Variants in CFAP58 observed in about 807,000 individuals in gnomAD.
CFAP58 encodes the protein cilia and flagella associated protein 58.
CFAP58 carries 88 observed loss-of-function variants against 119.5 expected under a neutral mutation model. The ratio of observed to expected loss-of-function variants is 0.74; its 90% CI spans 0.62 to 0.88. The LOEUF (loss-of-function observed/expected upper bound fraction) is 0.88, where lower values mean the gene tolerates loss of function less well. Among genes scored for constraint, CFAP58 ranks in the 40% least tolerant of loss-of-function variants. The probability of loss-of-function intolerance (pLI) is 0.00; values close to 1 mark genes in which losing one functional copy is unlikely to be tolerated. For missense variants in CFAP58, 990 were observed against 1,021.2 expected (o/e 0.97, Z 0.42); for synonymous variants, 365 against 366.3 (o/e 1.00, Z 0.04).
intron 15 of CFAP58, among the ~76,000 whole-genome samples, chr10:104,431,168 G>A (rs1356148650): frequency 6.6e-6 from 1 of 152,122 alleles, no homozygotes; most frequent in Non-Finnish European, 1.5e-5. Context: ...TCATTCATTC[G>A]TTCTTCTTTT....
At chr10:104,430,114 G>C (rs2012820449) in intron 15 of CFAP58, among the ~76,000 whole-genome samples, 1 of 152,120 alleles carries the variant, frequency 6.6e-6, no homozygotes, top group Non-Finnish European at 1.5e-5. Context: ...GGGAAGGGGG[G>C]TTTTAAGTAC....
intron 15 of CFAP58, among the ~76,000 whole-genome samples, chr10:104,414,760 C>T (rs904144031): frequency 6.6e-6 from 1 of 152,194 alleles, no homozygotes; most frequent in African/African-American, 2.4e-5. Flanking sequence ...AGCTCCGCCT[C>T]CCGGGTTCAC....
rs1023093062 is a variant in CFAP58 at position 104,359,727 on chromosome 10, T to A, written c.291+1105T>A. Among the ~76,000 whole-genome samples the A allele has an allele frequency of 6.6e-5, 10 of 152,092 alleles. 1 individual carries two copies. The highest frequency in any genetic ancestry group is 2.4e-4 in the African/African-American group (10 of 41,392). On this transcript the variant is annotated intron_variant, in intron 2 of 17. Coordinates refer to ENST00000369704, the MANE Select transcript of CFAP58 (RefSeq NM_001008723.2). ...CAGGAGAATCACTTGAACCAGGAGGTGGAGGTTGCAGTGAGCCAAGATTGT... is the reference window on the plus strand; with the variant it reads ...CAGGAGAATCACTTGAACCAGGAGGAGGAGGTTGCAGTGAGCCAAGATTGT...
chr10:104,404,844 A>C (rs1164453643), intron 14 of CFAP58, among the ~76,000 whole-genome samples: 1 of 152,004 alleles, frequency 6.6e-6, no homozygotes, highest in Non-Finnish European at 1.5e-5. Flanking sequence ...TGATCCGCCC[A>C]CCTCAGCCTC....
At chr10:104,426,720 T>C (rs1382293654) in intron 15 of CFAP58, among the ~76,000 whole-genome samples, 21 of 152,222 alleles carry the variant, frequency 1.4e-4, no homozygotes, top group Non-Finnish European at 2.8e-4. Flanking sequence ...TTCACCCCAT[T>C]ACATGTTCCA....
At chr10:104,347,142 C>T in the CFAP58 span, among the ~76,000 whole-genome samples, 4 of 152,010 alleles carry the variant, frequency 2.6e-5, no homozygotes, top group Non-Finnish European at 4.4e-5. Flanking sequence ...GCAGGTAAGA[C>T]GACTGGGTAG....
At chr10:104,354,256 T>A (rs1041398471) in intron 1 of CFAP58, among the ~76,000 whole-genome samples, 2 of 152,142 alleles carry the variant, frequency 1.3e-5, no homozygotes, top group East Asian at 3.8e-4. Context: ...ATTGGAGATG[T>A]CTTATCTCAC....
chr10:104,353,721 A>G (rs946740706), upstream of CFAP58: 3 of 581,516 alleles, frequency 5.2e-6, no homozygotes, highest in Admixed American at 3.1e-5. Flanking sequence ...AATTCCCGCT[A>G]GCGCCCCTAG....
upstream of CFAP58, among the ~76,000 whole-genome samples, chr10:104,350,503 A>G (rs942832337): frequency 1.3e-4 from 20 of 152,096 alleles, no homozygotes; most frequent in Admixed American, 1.3e-3. Context: ...CCATTCATCC[A>G]TCTGTGTTGA....
At chr10:104,362,446 C>A (rs2014681373) in intron 3 of CFAP58, among the ~76,000 whole-genome samples, 1 of 152,152 alleles carries the variant, frequency 6.6e-6, no homozygotes, top group South Asian at 2.1e-4. Context: ...GGTTTCTCTG[C>A]AATTTGTGTA....
Position 104,362,956 on chromosome 10 carries a change from T to G in CFAP58, c.440+785T>G, listed in dbSNP as rs574732630. ...ATCAAGTTGCTCACACCTCCATGCCTTTGTACATGTTGCTTTCCATGCTCA... is the reference window on the plus strand; with the variant it reads ...ATCAAGTTGCTCACACCTCCATGCCGTTGTACATGTTGCTTTCCATGCTCA... On this transcript the variant is annotated intron_variant, in intron 3 of 17. Transcript: ENST00000369704. Among the ~76,000 whole-genome samples, 4 of 152,302 alleles carry G rather than the reference T, an allele frequency of 2.6e-5. No individual in the cohort carries two copies. In the East Asian group the frequency reaches 7.7e-4, roughly 29 times the overall value.
At chr10:104,390,520 G>A (rs1032239710) in intron 9 of CFAP58, among the ~76,000 whole-genome samples, 1 of 152,086 alleles carries the variant, frequency 6.6e-6, no homozygotes, top group Non-Finnish European at 1.5e-5. Flanking sequence ...AAAATTGGGG[G>A]CAATAATAGT....
chr10:104,338,695 G>C, the CFAP58 span, among the ~76,000 whole-genome samples: 29 of 152,282 alleles, frequency 1.9e-4, no homozygotes, highest in Middle Eastern at 0.017. Flanking sequence ...GTGGACAGGG[G>C]CGCGGGGAGG....
At chr10:104,432,195 G>A (rs975765180) in intron 15 of CFAP58, among the ~76,000 whole-genome samples, 1 of 151,190 alleles carries the variant, frequency 6.6e-6, no homozygotes, top group Admixed American at 6.6e-5. Flanking sequence ...TTTCAAAGGT[G>A]GAAAGAAAAA....
At chr10:104,406,633 C>CT in intron 14 of CFAP58, 56 bp from the exon 15 acceptor site, 1 of 1,393,288 alleles carries the variant, frequency 7.2e-7, no homozygotes, top group Non-Finnish European at 1.0e-6. Flanking sequence ...ACATAGAGGC[C>CT]TCAGTGCTTT....
Position 104,406,728 on chromosome 10 carries a change from C to G in CFAP58, c.2191C>G (p.His731Asp), listed in dbSNP as rs751343572. 6.2e-7 allele frequency: 1 copy of G among 1,614,176 alleles called. No homozygotes were observed. Among genetic ancestry groups the G allele is most frequent in the East Asian group, 2.2e-5 (1 of 44,884 alleles). ...TGCATATGAGCTGATACAGAAAATTCACACCCTGCAGAAGCGTCTCATCAG... is the reference window on the plus strand; with the variant it reads ...TGCATATGAGCTGATACAGAAAATTGACACCCTGCAGAAGCGTCTCATCAG... ...PNAYELIQKI[H>D]TLQKRLISKT... is the part of the protein sequence containing the mutation. Residue 731 changes from histidine to aspartate, a missense_variant, in exon 15 of 18, where the codon CAC becomes GAC. His to Asp is a moderately conservative substitution (Grantham distance 81). Transcript: ENST00000369704.
chr10:104,450,484 C>T (rs1564908638), intron 17 of CFAP58, among the ~76,000 whole-genome samples: 1 of 152,122 alleles, frequency 6.6e-6, no homozygotes. Context: ...TTTCTCCCCA[C>T]ACTAGTCTAT....
At chr10:104,341,357 A>G in the CFAP58 span, among the ~76,000 whole-genome samples, 1 of 151,972 alleles carries the variant, frequency 6.6e-6, no homozygotes, top group Non-Finnish European at 1.5e-5. Flanking sequence ...GGTAAATGTA[A>G]TAAACAGGAA....
At position 104,364,449 on chromosome 10, in the gene CFAP58, C is replaced by CAG. The variant is rs536429393; in HGVS notation, c.441-283_441-282insGA. On this transcript the variant is annotated intron_variant, in intron 3 of 17. Coordinates refer to ENST00000369704, the MANE Select transcript of CFAP58 (RefSeq NM_001008723.2). The stretch of plus-strand genomic sequence containing the variant: ...TAAAACACACACACACACACACACA[C>CAG]ACACACACACACACACACACACTCT... Among the ~76,000 whole-genome samples, 763 of 151,714 alleles carry CAG rather than the reference C, an allele frequency of 5.0e-3. 8 individuals carry two copies. The highest frequency in any genetic ancestry group is 0.016 in the African/African-American group (663 of 41,364).
Sources: gnomAD v4.1 joint callset for allele counts (sites outside exome capture counted in the v4.1 genomes callset) on GRCh38, gnomAD v4.1.1 for gene constraint, MANE v1.5 for transcripts, NCBI Gene and HGNC (gene_info 2026-07-23, HGNC 2026-07-21) for gene names.